Variants in STX2 observed in about 807,000 individuals in gnomAD.
STX2 encodes syntaxin-2.
Under a neutral mutation model 40.6 loss-of-function variants are expected in STX2, and 27 were observed. The observed-to-expected ratio is 0.66, with a 90% confidence interval of 0.49 to 0.92. The LOEUF is 0.92. Among genes scored for constraint, STX2 ranks in the 40% least tolerant of loss-of-function variants. STX2 has a pLI of 0.00. For synonymous variants in STX2, 123 were observed against 119.1 expected, an observed-to-expected ratio of 1.03 and a Z score of -0.22; for missense variants, 328 against 366.1, an observed-to-expected ratio of 0.90 and a Z score of 0.85.
At chr12:130,812,314 G>A (rs878991741) in intron 4 of STX2, 5 of 447,134 alleles carry the variant, frequency 1.1e-5, no homozygotes, top group East Asian at 1.5e-4. Flanking sequence ...ACACACTGAT[G>A]AAATCTCAGA....
At chr12:130,802,183 A>G (rs1286608763) in intron 6 of STX2, among the ~76,000 whole-genome samples, 2 of 152,152 alleles carry the variant, frequency 1.3e-5, no homozygotes, top group Admixed American at 1.3e-4. Flanking sequence ...ACAAAAACAA[A>G]GGACGCTTTT....
At chr12:130,799,256 A>AACTT (rs1307559399) in intron 8 of STX2, among the ~76,000 whole-genome samples, 7 of 152,364 alleles carry the variant, frequency 4.6e-5, no homozygotes, top group Non-Finnish European at 8.8e-5. Context: ...CACAAACTTC[A>AACTT]ACTTACTAGT....
intron 8 of STX2, among the ~76,000 whole-genome samples, chr12:130,799,214 T>C (rs560926911): frequency 6.8e-4 from 103 of 152,324 alleles, no homozygotes; most frequent in African/African-American, 2.3e-3. Flanking sequence ...TCGTAAAGCA[T>C]TGAAGAATGA....
At chr12:130,817,905 G>C (rs1229848820) in intron 3 of STX2, among the ~76,000 whole-genome samples, 1 of 151,684 alleles carries the variant, frequency 6.6e-6, no homozygotes, top group Non-Finnish European at 1.5e-5. Flanking sequence ...GAAGGGGAGA[G>C]GAACCGCAAG....
At chr12:130,796,711 AG>A (rs1336268644) in intron 9 of STX2, among the ~76,000 whole-genome samples, 1 of 152,168 alleles carries the variant, frequency 6.6e-6, no homozygotes, top group East Asian at 1.9e-4. Flanking sequence ...ACATGCAGTT[AG>A]TTTTCCGCAT....
At chr12:130,813,871 T>C (rs1200031177) in intron 3 of STX2, among the ~76,000 whole-genome samples, 1 of 152,200 alleles carries the variant, frequency 6.6e-6, no homozygotes, top group Non-Finnish European at 1.5e-5. Context: ...GGAGTCCTGT[T>C]GTCGTTTTAG....
chr12:130,834,202 G>A (rs1952677813), intron 1 of STX2, among the ~76,000 whole-genome samples: 1 of 152,042 alleles, frequency 6.6e-6, no homozygotes. Context: ...TGGCCAATGT[G>A]GTGAAACTCC....
intron 2 of STX2, 57 bp downstream of exon 2, chr12:130,827,136 G>T: frequency 2.5e-6 from 2 of 786,114 alleles, no homozygotes; most frequent in Non-Finnish European, 3.8e-6. Flanking sequence ...GAGGGGTGGG[G>T]GGAGGGAGGG....
chr12:130,821,641 G>A, intron 3 of STX2, 48 bp downstream of exon 3: 1 of 1,463,712 alleles, frequency 6.8e-7, no homozygotes, highest in Non-Finnish European at 9.6e-7. Context: ...GACAGCCAGA[G>A]GGACACACAG....
At chr12:130,800,350 G>GA (rs1355667731) in intron 8 of STX2, among the ~76,000 whole-genome samples, 1 of 151,336 alleles carries the variant, frequency 6.6e-6, no homozygotes, top group South Asian at 2.1e-4. Context: ...ACCCAGGCTG[G>GA]AGTGTAGTGG....
intron 6 of STX2, among the ~76,000 whole-genome samples, chr12:130,806,553 C>T (rs1413387899): frequency 6.6e-6 from 1 of 152,170 alleles, no homozygotes; most frequent in East Asian, 1.9e-4. Flanking sequence ...AAGAAGGCGC[C>T]ATCTCCACTG....
chr12:130,834,056 G>A (rs914799191), intron 1 of STX2, among the ~76,000 whole-genome samples: 1 of 152,196 alleles, frequency 6.6e-6, no homozygotes, highest in Non-Finnish European at 1.5e-5. Context: ...AAGGGAGGCA[G>A]GAAGGCTTCC....
chr12:130,825,491 G>C (rs1203921955), intron 2 of STX2, among the ~76,000 whole-genome samples: 3 of 152,210 alleles, frequency 2.0e-5, no homozygotes, highest in Admixed American at 6.5e-5. Context: ...GGGGCAGGAA[G>C]GCTAAAGACA....
chr12:130,834,519 C>G (rs1305379652), intron 1 of STX2, among the ~76,000 whole-genome samples: 2 of 152,186 alleles, frequency 1.3e-5, no homozygotes, highest in Non-Finnish European at 2.9e-5. Context: ...TAGATCTGGG[C>G]TCCTAGGGAG....
In STX2 at chr12:130,789,811, G is replaced by GACAT. The variant is rs1950832543; in HGVS notation, c.*2208_*2211dup. 1 of 152,586 alleles carries GACAT rather than the reference G, an allele frequency of 6.6e-6. No individual in the cohort carries two copies. Among genetic ancestry groups the GACAT allele is most frequent in the Admixed American group, 6.5e-5 (1 of 15,278 alleles). The allele number at this position is 152,586 out of a possible 1,614,324, so 9.5% of individuals were successfully genotyped here. ...ACTTCAAATCGGTACATGAGGCTTA[G>GACAT]ACATACACATCATTGGACAAGTGAC... is the stretch of plus-strand genomic sequence containing the variant. On this transcript the variant is annotated 3_prime_UTR_variant, in exon 11 of 11. Transcript: ENST00000392373.
intron 1 of STX2, among the ~76,000 whole-genome samples, chr12:130,829,170 G>A (rs1952457422): frequency 6.6e-6 from 1 of 152,196 alleles, no homozygotes; most frequent in African/African-American, 2.4e-5. Flanking sequence ...TGGTCTCAGA[G>A]CTAAGCGGTG....
intron 1 of STX2, among the ~76,000 whole-genome samples, chr12:130,833,732 T>A (rs1274803920): frequency 1.3e-5 from 2 of 152,060 alleles, no homozygotes; most frequent in Non-Finnish European, 2.9e-5. Context: ...TTAATAAATC[T>A]CCCTTTTCTG....
rs149182806 is a variant in STX2 at position 130,806,921 on chromosome 12, G to C, written c.463+61C>G. 4.5e-4 allele frequency: 647 copies of C among 1,449,388 alleles called. 1 individual carries two copies. The African/African-American group carries it at 7.7e-3, about 17-fold the overall frequency. 89.8% of individuals were successfully genotyped at this position (1,449,388 alleles called of 1,614,324 possible). A position where few individuals can be genotyped will look rare whatever the true frequency, so the allele number is the denominator to read the frequency against. The stretch of plus-strand genomic sequence containing the variant: ...TCCTTTTCTGAAGTTAAAGTCATTT[G>C]AAGTGAGACCTTAAGGGAGAAAAAC... On this transcript the variant is annotated intron_variant, in intron 6 of 10. Coordinates refer to ENST00000392373, the MANE Select transcript of STX2 (RefSeq NM_194356.4).
intron 4 of STX2, among the ~76,000 whole-genome samples, chr12:130,809,654 T>A (rs1951573206): frequency 6.6e-6 from 1 of 152,066 alleles, no homozygotes. Context: ...CTGTCTCTAC[T>A]ACAAATACAA....
Sources: gnomAD v4.1 joint callset for allele counts (sites outside exome capture counted in the v4.1 genomes callset) on GRCh38, gnomAD v4.1.1 for gene constraint, MANE v1.5 for transcripts, NCBI Gene and HGNC (gene_info 2026-07-23, HGNC 2026-07-21) for gene names.